Variants in MTMR3 observed in about 807,000 individuals in gnomAD.
MTMR3 encodes phosphatidylinositol-3,5-bisphosphate 3-phosphatase MTMR3.
Under a neutral mutation model 132.4 loss-of-function variants are expected in MTMR3, and 32 were observed. That is an observed-to-expected ratio of 0.24 (90% confidence interval 0.18 to 0.32). MTMR3 has a LOEUF of 0.32. MTMR3 is among the 10% of genes least tolerant of loss of function. The probability of loss-of-function intolerance (pLI) is 1.00; values close to 1 mark genes in which losing one functional copy is unlikely to be tolerated. For missense variants in MTMR3, 1,216 were observed against 1,489.6 expected (o/e 0.82, Z 3.02); for synonymous variants, 556 against 550.3 (o/e 1.01, Z -0.14).
intron 1 of MTMR3, among the ~76,000 whole-genome samples, chr22:29,900,774 C>T (rs537584391): frequency 4.6e-5 from 7 of 152,136 alleles, no homozygotes; most frequent in Non-Finnish European, 7.4e-5. Flanking sequence ...GAGTGAGTGG[C>T]GTGATCTTGG....
At chr22:29,937,830 C>T (rs1490689655) in intron 1 of MTMR3, among the ~76,000 whole-genome samples, 1 of 152,194 alleles carries the variant, frequency 6.6e-6, no homozygotes, top group Non-Finnish European at 1.5e-5. Context: ...AGCAAACTTT[C>T]ACAAGCCTGT....
chr22:29,991,387 T>C, intron 6 of MTMR3, 117 bp from the exon 7 acceptor site: 1 of 992,640 alleles, frequency 1.0e-6, no homozygotes, highest in Non-Finnish European at 1.4e-6. Context: ...CCTCAGATGC[T>C]TTCTTGGTTG....
At position 30,022,657 on chromosome 22, in the gene MTMR3, G is replaced by A. The variant is rs769082580; in HGVS notation, c.3385G>A (p.Asp1129Asn). 8.1e-6 allele frequency: 13 copies of A among 1,611,958 alleles called. No individual in the cohort carries two copies. Among genetic ancestry groups the A allele is most frequent in the East Asian group, 2.2e-5 (1 of 44,876 alleles). ...DHLAAHCYAC[D>N]SAFWLASRKH... is the part of the protein sequence containing the mutation. Reference sequence around the variant, plus strand: ...CCTGGCCGCCCACTGCTATGCGTGCGACAGTGCCTTCTGGCTTGCCAGCAG... The same window carrying A: ...CCTGGCCGCCCACTGCTATGCGTGCAACAGTGCCTTCTGGCTTGCCAGCAG... Residue 1129 changes from aspartate (D) to asparagine (N), a missense_variant, in exon 19 of 20, where the codon GAC becomes AAC. Asp to Asn is a conservative substitution (Grantham distance 23, BLOSUM62 1). Transcript: ENST00000401950.
chr22:30,016,512 C>T lies in MTMR3; in HGVS notation c.1504-16C>T. 3 of 1,611,664 alleles carry T rather than the reference C, an allele frequency of 1.9e-6. No individual in the cohort carries two copies. The highest frequency in any genetic ancestry group is 2.5e-6 in the Non-Finnish European group (3 of 1,178,700). On this transcript the variant is annotated splice_polypyrimidine_tract_variant and intron_variant, in intron 14 of 19. Transcript: ENST00000401950. The stretch of plus-strand genomic sequence containing the variant: ...ATGCCTGATTGCTTAATTTGTGCTT[C>T]ATTGGACTTCCATAGGTGAAACTGG...
At chr22:29,940,050 G>A (rs952302604) in intron 1 of MTMR3, among the ~76,000 whole-genome samples, 15 of 152,154 alleles carry the variant, frequency 9.9e-5, no homozygotes, top group African/African-American at 3.6e-4. Context: ...GGCAGATCAC[G>A]AGGTCAGGAG....
chr22:29,888,289 C>T (rs2064718243), intron 1 of MTMR3, among the ~76,000 whole-genome samples: 1 of 152,032 alleles, frequency 6.6e-6, no homozygotes, highest in Non-Finnish European at 1.5e-5. Context: ...AAAGGTAGTC[C>T]TCCTGCTTTG....
At chr22:29,908,397 AG>A (rs1207765583) in intron 1 of MTMR3, among the ~76,000 whole-genome samples, 1 of 152,226 alleles carries the variant, frequency 6.6e-6, no homozygotes, top group East Asian at 1.9e-4. Context: ...TTCAGTTTTG[AG>A]GAACAGACCC....
intron 2 of MTMR3, among the ~76,000 whole-genome samples, chr22:29,967,659 A>G (rs899096171): frequency 1.3e-5 from 2 of 151,652 alleles, no homozygotes; most frequent in Non-Finnish European, 2.9e-5. Context: ...AATTCCAAAC[A>G]TTTCATCACC....
At chr22:29,955,262 G>C (rs1461251251) in intron 1 of MTMR3, among the ~76,000 whole-genome samples, 3 of 152,096 alleles carry the variant, frequency 2.0e-5, no homozygotes, top group Non-Finnish European at 4.4e-5. Context: ...TGGGATTAGA[G>C]GTATGAGTCA....
At position 29,991,383 on chromosome 22, in the gene MTMR3, A is replaced by G. The variant is rs2066958041; in HGVS notation, c.294-121A>G. 17 of 926,896 alleles carry G rather than the reference A, an allele frequency of 1.8e-5. 1 individual carries two copies. Among genetic ancestry groups the G allele is most frequent in the Middle Eastern group, 2.9e-4 (1 of 3,390 alleles). The allele number at this position is 926,896 out of a possible 1,614,324, so 57.4% of individuals were successfully genotyped here. A position where few individuals can be genotyped will look rare whatever the true frequency, so the allele number is the denominator to read the frequency against. On this transcript the variant is annotated intron_variant, in intron 6 of 19. Transcript: ENST00000401950. Reference sequence around the variant, plus strand: ...GCATGCGAATGACTGACTGCCTCAGATGCTTTCTTGGTTGTAGTTCCCACT... The same window carrying G: ...GCATGCGAATGACTGACTGCCTCAGGTGCTTTCTTGGTTGTAGTTCCCACT...
At chr22:30,009,291 T>C (rs900365214) in intron 12 of MTMR3, 162 bp downstream of exon 12, 2 of 597,024 alleles carry the variant, frequency 3.3e-6, no homozygotes, top group Non-Finnish European at 5.9e-6. Flanking sequence ...TCTGCAAGTA[T>C]CTCCTTGCTG....
chr22:30,030,637 G>GT lies in MTMR3; in HGVS notation c.*4836_*4837insT, dbSNP rs2067995163. The GT allele has an allele frequency of 1.1e-5, 1 of 91,646 alleles. No individual in the cohort carries two copies. Among genetic ancestry groups the GT allele is most frequent in the African/African-American group, 4.9e-5 (1 of 20,286 alleles). The allele number at this position is 91,646 out of a possible 1,614,324, so 5.7% of individuals were successfully genotyped here. On this transcript the variant is annotated 3_prime_UTR_variant, in exon 20 of 20. Coordinates refer to ENST00000401950, the MANE Select transcript of MTMR3 (RefSeq NM_021090.4). ...GAGAGGGGCTCTCAGCGAGGAGGGGGCGGGGGGGGGGTCACTATTTATCTT... is the reference window on the plus strand; with the variant it reads ...GAGAGGGGCTCTCAGCGAGGAGGGGGTCGGGGGGGGGGTCACTATTTATCTT...
chr22:29,962,677 C>T (rs1373031919), intron 2 of MTMR3, among the ~76,000 whole-genome samples: 2 of 152,090 alleles, frequency 1.3e-5, no homozygotes, highest in African/African-American at 2.4e-5. Context: ...AAGACCCTGT[C>T]TCCAAAACAA....
Position 30,009,238 on chromosome 22 carries a change from C to A in MTMR3, c.1121+109C>A, listed in dbSNP as rs187121790. On this transcript the variant is annotated intron_variant, in intron 12 of 19. Coordinates refer to ENST00000401950, the MANE Select transcript of MTMR3 (RefSeq NM_021090.4). ...GAAAAAAAAATTAATTTGGAGCAGT[C>A]TTTCCTTCTGTTTCTTGGTAATCTT... 148 of 750,912 alleles carry A rather than the reference C, an allele frequency of 2.0e-4. No homozygotes were observed. In the African/African-American group the frequency reaches 2.0e-3, roughly 10 times the overall value. The allele number at this position is 750,912 out of a possible 1,614,324, so 46.5% of individuals were successfully genotyped here.
chr22:29,968,714 T>C (rs980512281), intron 2 of MTMR3, among the ~76,000 whole-genome samples: 1 of 152,216 alleles, frequency 6.6e-6, no homozygotes, highest in African/African-American at 2.4e-5. Flanking sequence ...TCCATGAATT[T>C]CTGTTCACAG....
At chr22:29,920,532 A>G (rs1289923774) in intron 1 of MTMR3, among the ~76,000 whole-genome samples, 2 of 152,198 alleles carry the variant, frequency 1.3e-5, no homozygotes, top group African/African-American at 2.4e-5. Flanking sequence ...GTTATGTTAT[A>G]TTTGTTTGGA....
chr22:30,023,337 A>G (rs1210714135), intron 19 of MTMR3: 2 of 1,002,126 alleles, frequency 2.0e-6, no homozygotes, highest in Non-Finnish European at 3.2e-6. Context: ...TGGATTGAAA[A>G]TGGAACAGTC....
intron 13 of MTMR3, 155 bp downstream of exon 13, chr22:30,012,718 G>T (rs2067463806): frequency 7.9e-6 from 6 of 760,910 alleles, no homozygotes; most frequent in Non-Finnish European, 1.2e-5. Context: ...AATTGTGGTG[G>T]TTCCTCCCAC....
At chr22:29,918,457 A>G (rs767924367) in intron 1 of MTMR3, among the ~76,000 whole-genome samples, 1 of 152,314 alleles carries the variant, frequency 6.6e-6, no homozygotes, top group East Asian at 1.9e-4. Context: ...GCCTTGAAAC[A>G]TCTTTCTTTT....
Sources: allele counts gnomAD v4.1 joint callset (sites outside exome capture counted in the v4.1 genomes callset), GRCh38; gene constraint gnomAD v4.1.1; transcripts MANE v1.5; gene names NCBI Gene and HGNC (gene_info 2026-07-23, HGNC 2026-07-21).